The following DGKI variants were observed in gnomAD, a reference collection of about 807,000 sequenced individuals.
The protein encoded by DGKI is diacylglycerol kinase iota.
A neutral mutation model predicts 147.5 loss-of-function variants in DGKI; 55 were observed. That is an observed-to-expected ratio of 0.37 (90% CI 0.30 to 0.47). DGKI has a LOEUF of 0.47. DGKI is among the 20% of genes least tolerant of loss of function. DGKI has a pLI of 1.00. For synonymous variants in DGKI, 469 were observed against 477.1 expected (o/e 0.98, Z 0.22); for missense variants, 1,007 against 1,323.8 (o/e 0.76, Z 3.71).
chr7:137,656,472 T>G lies in DGKI; in HGVS notation c.675A>C (p.Leu225=), dbSNP rs144790772. ...IVVHTACIEQ[L]EKINFRCKPT... Reference sequence around the variant, plus strand: ...GCAGGGGGCGCGCTCTTACCTTTTCTAGCTGCTCAATGCAGGCGGTGTGGA... The same window carrying G: ...GCAGGGGGCGCGCTCTTACCTTTTCGAGCTGCTCAATGCAGGCGGTGTGGA... The change falls in exon 4 of 33, where the codon CTA becomes CTC. Residue 225 remains leucine, a synonymous_variant. Transcript: ENST00000614521. 6 of 1,614,174 alleles carry G rather than the reference T, an allele frequency of 3.7e-6. No individual in the cohort carries two copies. In the Admixed American group the frequency reaches 5.0e-5, roughly 13 times the overall value.
chr7:137,620,017 A>ACT, intron 7 of DGKI, 77 bp from the exon 8 acceptor site: 98 of 679,274 alleles, frequency 1.4e-4, no homozygotes, highest in Middle Eastern at 3.9e-4. Context: ...ATATGTACAC[A>ACT]CGCACACACA....
Position 137,618,152 on chromosome 7 carries a change from T to TATATATGTATATA in DGKI, c.993+1671_993+1672insTATATACATATAT, listed in dbSNP as rs1554442534. Among the ~76,000 whole-genome samples, 12 of 14,388 alleles carry TATATATGTATATA rather than the reference T, an allele frequency of 8.3e-4. 1 individual carries two copies. The highest frequency in any genetic ancestry group is 1.5e-3 in the African/African-American group (12 of 7,750). 9.4% of individuals were successfully genotyped at this position (14,388 alleles called of 152,430 possible). A position where few individuals can be genotyped will look rare whatever the true frequency, so the allele number is the denominator to read the frequency against. ...CTATATATATATATATATATATATA[T>TATATATGTATATA]TTTTTTTTTTTTACTCTATCATTCC... On this transcript the variant is annotated intron_variant, in intron 8 of 32. Coordinates refer to ENST00000614521, the MANE Select transcript of DGKI (RefSeq NM_001321708.2).
intron 5 of DGKI, among the ~76,000 whole-genome samples, chr7:137,649,319 A>C (rs1006482515): frequency 1.3e-5 from 2 of 152,184 alleles, no homozygotes; most frequent in Non-Finnish European, 2.9e-5. Context: ...TTTGACCATT[A>C]TTAAGAGCTC....
intron 3 of DGKI, among the ~76,000 whole-genome samples, chr7:137,670,306 T>C (rs1655343236): frequency 6.6e-6 from 1 of 152,170 alleles, no homozygotes. Flanking sequence ...ACTATCCCCA[T>C]TACATGAAGT....
chr7:137,485,658 T>A (rs1289832754), intron 22 of DGKI, among the ~76,000 whole-genome samples: 1 of 152,118 alleles, frequency 6.6e-6, no homozygotes. Flanking sequence ...TACATAGTGT[T>A]TAAAGTAAGT....
chr7:137,459,563 C>T (rs904045828), intron 27 of DGKI, among the ~76,000 whole-genome samples: 1 of 150,874 alleles, frequency 6.6e-6, no homozygotes, highest in Non-Finnish European at 1.5e-5. Context: ...CAAGCTCCGC[C>T]TCCCGGGTTC....
intron 3 of DGKI, among the ~76,000 whole-genome samples, chr7:137,675,422 T>C (rs1723069): frequency 0.45 from 67,664 of 151,636 alleles, 16,755 homozygotes; most frequent in African/African-American, 0.67. Flanking sequence ...TGGTAGCTCA[T>C]GCCTGTAATC....
intron 7 of DGKI, among the ~76,000 whole-genome samples, chr7:137,621,686 C>T (rs147011087): frequency 9.1e-4 from 139 of 152,338 alleles, no homozygotes; most frequent in African/African-American, 3.2e-3. Context: ...CAAAGCTCTA[C>T]CACAATGGTC....
chr7:137,838,191 G>C (rs1798443737), intron 1 of DGKI, among the ~76,000 whole-genome samples: 2 of 151,950 alleles, frequency 1.3e-5, no homozygotes, highest in Admixed American at 6.6e-5. Flanking sequence ...TTTTAGTAAA[G>C]ACGGGGTTTT....
intron 1 of DGKI, among the ~76,000 whole-genome samples, chr7:137,844,769 C>T (rs146559882): frequency 6.6e-6 from 1 of 152,292 alleles, no homozygotes; most frequent in East Asian, 1.9e-4. Flanking sequence ...CAGAGAATGA[C>T]CCCTGACAAG....
chr7:137,511,781 C>T (rs1167188333), intron 21 of DGKI, among the ~76,000 whole-genome samples: 1 of 152,194 alleles, frequency 6.6e-6, no homozygotes, highest in African/African-American at 2.4e-5. Context: ...CACTCATTTT[C>T]CCAGAGGCTA....
intron 28 of DGKI, among the ~76,000 whole-genome samples, chr7:137,418,007 A>G (rs191195154): frequency 1.3e-5 from 2 of 152,216 alleles, no homozygotes; most frequent in African/African-American, 4.8e-5. Context: ...GGAACAGACT[A>G]AGATCCCCAC....
intron 30 of DGKI, among the ~76,000 whole-genome samples, chr7:137,406,617 C>T (rs1443296691): frequency 6.6e-6 from 1 of 152,104 alleles, no homozygotes; most frequent in African/African-American, 2.4e-5. Context: ...TTAGTACCTA[C>T]CTTGCAAGGA....
chr7:137,720,250 C>CTTT (rs552382033), intron 1 of DGKI, among the ~76,000 whole-genome samples: 1,592 of 88,190 alleles, frequency 0.018, 24 homozygotes, highest in Non-Finnish European at 0.025. Flanking sequence ...TTGAAAAAAT[C>CTTT]TTTTTTTTTT....
intron 5 of DGKI, among the ~76,000 whole-genome samples, chr7:137,647,100 A>G (rs181900174): frequency 5.3e-5 from 8 of 152,340 alleles, no homozygotes; most frequent in Non-Finnish European, 1.2e-4. Flanking sequence ...TTGTCCTAAG[A>G]AAGAAGCTAA....
At chr7:137,425,068 A>C (rs1812737731) in intron 28 of DGKI, among the ~76,000 whole-genome samples, 2 of 152,218 alleles carry the variant, frequency 1.3e-5, no homozygotes, top group South Asian at 4.1e-4. Context: ...TGGAGATCTG[A>C]GAATGGGCAG....
chr7:137,423,469 G>A (rs1812660663), intron 28 of DGKI, among the ~76,000 whole-genome samples: 1 of 152,342 alleles, frequency 6.6e-6, no homozygotes, highest in South Asian at 2.1e-4. Flanking sequence ...TGGCCTGAGA[G>A]TAATGGATGG....
chr7:137,717,433 A>G (rs1755514511), intron 1 of DGKI, among the ~76,000 whole-genome samples: 2 of 152,230 alleles, frequency 1.3e-5, no homozygotes, highest in Admixed American at 1.3e-4. Flanking sequence ...ATGAAAAAAG[A>G]AATAAAATCT....
chr7:137,812,346 A>G (rs1585523066), intron 1 of DGKI, among the ~76,000 whole-genome samples: 1 of 152,236 alleles, frequency 6.6e-6, no homozygotes, highest in South Asian at 2.1e-4. Flanking sequence ...TGCTCAATAA[A>G]TGTTGACTAT....
Sources: allele counts gnomAD v4.1 joint callset (sites outside exome capture counted in the v4.1 genomes callset), GRCh38; gene constraint gnomAD v4.1.1; transcripts MANE v1.5; gene names NCBI Gene and HGNC (gene_info 2026-07-23, HGNC 2026-07-21).